Variants in AFF3 observed in about 807,000 individuals in gnomAD.
The protein encoded by AFF3 is AF4/FMR2 family member 3.
AFF3 carries 32 observed loss-of-function variants against 129.7 expected under a neutral mutation model. That is an observed-to-expected ratio of 0.25 (90% CI 0.19 to 0.33). The LOEUF (loss-of-function observed/expected upper bound fraction) is 0.33, where lower values mean the gene tolerates loss of function less well. Ranked by LOEUF, AFF3 falls within the 10% of genes least tolerant of loss-of-function variation. AFF3 has a pLI of 1.00. For synonymous variants in AFF3, 644 were observed against 635.4 expected (o/e 1.01, Z -0.20); for missense variants, 1,373 against 1,592.0 (o/e 0.86, Z 2.34).
At chr2:99,835,409 G>A (rs567572055) in intron 8 of AFF3, among the ~76,000 whole-genome samples, 10 of 152,186 alleles carry the variant, frequency 6.6e-5, no homozygotes, top group Admixed American at 2.6e-4. Flanking sequence ...TACTATGGGC[G>A]GTAACCAAGA....
intron 7 of AFF3, among the ~76,000 whole-genome samples, chr2:99,945,488 G>C (rs1021977426): frequency 6.6e-6 from 1 of 152,194 alleles, no homozygotes; most frequent in Non-Finnish European, 1.5e-5. Context: ...CACCCTGGGA[G>C]TCATCAGGTT....
rs188597073 is a variant in AFF3 at position 99,572,223 on chromosome 2, C to T, written c.2919-3308G>A. Among the ~76,000 whole-genome samples the T allele has an allele frequency of 1.2e-3, 182 of 151,068 alleles. 1 individual carries two copies. Among genetic ancestry groups the T allele is most frequent in the African/African-American group, 4.2e-3 (172 of 41,084 alleles). Reference sequence around the variant, plus strand: ...CATGCATCTTCATTATGAGAGCTCTCTCCAACAAAAGCATTCTGAGCACTT... The same window carrying T: ...CATGCATCTTCATTATGAGAGCTCTTTCCAACAAAAGCATTCTGAGCACTT... On this transcript the variant is annotated intron_variant, in intron 18 of 24. Coordinates refer to ENST00000672756, the MANE Select transcript of AFF3 (RefSeq NM_001386135.1).
intron 1 of AFF3, among the ~76,000 whole-genome samples, chr2:100,135,466 T>C (rs1196969569): frequency 9.9e-5 from 15 of 152,004 alleles, no homozygotes; most frequent in Non-Finnish European, 7.4e-5. Context: ...CACCAAAACA[T>C]GGCCATTCTG....
chr2:100,036,789 A>G (rs1268257085), intron 4 of AFF3, among the ~76,000 whole-genome samples: 4 of 151,442 alleles, frequency 2.6e-5, no homozygotes, highest in Non-Finnish European at 5.9e-5. Context: ...GAAGAGGGAG[A>G]GAAAGTAGTC....
At chr2:99,802,596 G>A (rs1055956546) in intron 8 of AFF3, among the ~76,000 whole-genome samples, 4 of 152,028 alleles carry the variant, frequency 2.6e-5, no homozygotes, top group African/African-American at 9.7e-5. Context: ...CCAGTAGTTT[G>A]AGGTGGCAGT....
intron 13 of AFF3, among the ~76,000 whole-genome samples, chr2:99,617,945 C>T (rs1681602913): frequency 6.6e-6 from 1 of 152,128 alleles, no homozygotes; most frequent in Non-Finnish European, 1.5e-5. Context: ...ACCCTGTGTT[C>T]TCTCAGGAGT....
At chr2:99,617,060 C>G (rs910302127) in intron 13 of AFF3, among the ~76,000 whole-genome samples, 2 of 152,194 alleles carry the variant, frequency 1.3e-5, no homozygotes, top group African/African-American at 4.8e-5. Flanking sequence ...CTTTCATTAG[C>G]TGATGGACGT....
intron 4 of AFF3, among the ~76,000 whole-genome samples, chr2:100,025,962 GA>G (rs1684003058): frequency 6.6e-6 from 1 of 152,134 alleles, no homozygotes; most frequent in East Asian, 1.9e-4. Context: ...GACAACATTG[GA>G]AAAACCCTTC....
intron 11 of AFF3, among the ~76,000 whole-genome samples, chr2:99,694,717 T>C (rs1298373596): frequency 2.0e-5 from 3 of 152,156 alleles, no homozygotes; most frequent in Admixed American, 2.0e-4. Context: ...TTTTTGTTTG[T>C]TTGTTTTGAG....
chr2:99,719,717 C>T (rs1678715420), intron 11 of AFF3, among the ~76,000 whole-genome samples: 1 of 152,182 alleles, frequency 6.6e-6, no homozygotes, highest in Admixed American at 6.5e-5. Flanking sequence ...CATAGTTTAT[C>T]TTTTCTGTCT....
At chr2:99,993,207 T>C (rs974008960) in intron 7 of AFF3, among the ~76,000 whole-genome samples, 4 of 152,248 alleles carry the variant, frequency 2.6e-5, no homozygotes, top group South Asian at 2.1e-4. Flanking sequence ...ATCTATCCCA[T>C]GAAACAGCCC....
intron 4 of AFF3, among the ~76,000 whole-genome samples, chr2:100,067,763 T>A (rs1276916646): frequency 6.6e-6 from 1 of 152,122 alleles, no homozygotes; most frequent in African/African-American, 2.4e-5. Flanking sequence ...ACAAGAGAAC[T>A]ATGTCCTAGA....
At chr2:99,873,294 G>A (rs1692020578) in intron 7 of AFF3, among the ~76,000 whole-genome samples, 1 of 152,212 alleles carries the variant, frequency 6.6e-6, no homozygotes, top group African/African-American at 2.4e-5. Flanking sequence ...ACTGCTAATA[G>A]CGTTTGGTAG....
chr2:99,759,124 T>G (rs967569991), intron 8 of AFF3, among the ~76,000 whole-genome samples: 2 of 152,226 alleles, frequency 1.3e-5, no homozygotes, highest in African/African-American at 4.8e-5. Context: ...ATTTCCCTTC[T>G]ATGCCAATAT....
chr2:99,619,094 A>G (rs898255654), intron 13 of AFF3, among the ~76,000 whole-genome samples: 27 of 152,182 alleles, frequency 1.8e-4, no homozygotes, highest in Non-Finnish European at 2.6e-4. Flanking sequence ...CCCAAGAGAG[A>G]CTGCAAGGAC....
At position 99,549,460 on chromosome 2, in the gene AFF3, C is replaced by T. The variant is rs772021421; in HGVS notation, c.*2014G>A. 3 of 179,058 alleles carry T rather than the reference C, an allele frequency of 1.7e-5. No homozygotes were observed. Among genetic ancestry groups the T allele is most frequent in the Middle Eastern group, 2.0e-3 (1 of 488 alleles). The allele number at this position is 179,058 out of a possible 1,614,324, so 11.1% of individuals were successfully genotyped here. A position where few individuals can be genotyped will look rare whatever the true frequency, so the allele number is the denominator to read the frequency against. On this transcript the variant is annotated 3_prime_UTR_variant, in exon 25 of 25. Coordinates refer to ENST00000672756, the MANE Select transcript of AFF3 (RefSeq NM_001386135.1). ...ATTAGCTGGGCATGGTAGTGCACAC[C>T]TGTAATCCCAGCTACTTGGGAGGCT...
intron 7 of AFF3, among the ~76,000 whole-genome samples, chr2:99,916,038 C>G (rs906684596): frequency 5.9e-5 from 9 of 152,260 alleles, no homozygotes; most frequent in South Asian, 2.1e-4. Flanking sequence ...CCTAAAGAGA[C>G]AATCTGAACT....
chr2:99,973,813 TC>T lies in AFF3; in HGVS notation c.873+32818del, dbSNP rs1423886550. Among the ~76,000 whole-genome samples the T allele has an allele frequency of 4.6e-5, 7 of 152,258 alleles. No individual in the cohort carries two copies. In the East Asian group the frequency reaches 1.4e-3, roughly 29 times the overall value. On this transcript the variant is annotated intron_variant, in intron 7 of 24. Transcript: ENST00000672756. ...AATTAGTGGGCCTGCTTGTTCGCTG[TC>T]CCTTTGTTGTGGCCCGCTCTGGGGC...
intron 13 of AFF3, among the ~76,000 whole-genome samples, chr2:99,625,870 G>T (rs1682493032): frequency 6.6e-6 from 1 of 152,168 alleles, no homozygotes; most frequent in South Asian, 2.1e-4. Context: ...TGAAAGGCAA[G>T]CTTTATGTAA....
Sources: gnomAD v4.1 joint callset for allele counts (sites outside exome capture counted in the v4.1 genomes callset) on GRCh38, gnomAD v4.1.1 for gene constraint, MANE v1.5 for transcripts, NCBI Gene and HGNC (gene_info 2026-07-23, HGNC 2026-07-21) for gene names.